Variants in TENM3 observed in about 807,000 individuals in gnomAD.
TENM3 encodes teneurin transmembrane protein 3.
In TENM3, 63 loss-of-function variants were observed where a neutral mutation model predicts 255.1. That is an observed-to-expected ratio of 0.25 (90% CI 0.20 to 0.30). The LOEUF is 0.30. TENM3 is among the 10% of genes least tolerant of loss of function. The probability of loss-of-function intolerance (pLI) is 1.00; values close to 1 mark genes in which losing one functional copy is unlikely to be tolerated. For missense variants in TENM3, 2,929 were observed against 3,461.1 expected, an observed-to-expected ratio of 0.85 and a Z score of 3.86; for synonymous variants, 1,306 against 1,322.3, an observed-to-expected ratio of 0.99 and a Z score of 0.27.
intron 1 of TENM3, among the ~76,000 whole-genome samples, chr4:182,277,969 G>T (rs1760118150): frequency 6.6e-6 from 1 of 152,184 alleles, no homozygotes; most frequent in South Asian, 2.1e-4. Context: ...CCTCAACCCT[G>T]TTACAGGAAT....
chr4:181,882,578 C>G, the TENM3 span, among the ~76,000 whole-genome samples: 5 of 152,188 alleles, frequency 3.3e-5, no homozygotes, highest in African/African-American at 1.2e-4. Flanking sequence ...GTTTTTAACC[C>G]TGACTTTGAC....
intron 6 of TENM3, among the ~76,000 whole-genome samples, chr4:182,661,691 G>C (rs1212760549): frequency 6.6e-6 from 1 of 152,162 alleles, no homozygotes; most frequent in African/African-American, 2.4e-5. Context: ...CAAAGCCAGG[G>C]TATGAATCCA....
intron 3 of TENM3, among the ~76,000 whole-genome samples, chr4:182,457,997 C>T (rs1027406055): frequency 3.9e-5 from 6 of 152,218 alleles, no homozygotes; most frequent in Non-Finnish European, 7.3e-5. Context: ...CAGTCTATAA[C>T]TTTTCATAAA....
At chr4:182,508,023 T>A (rs999481526) in intron 3 of TENM3, among the ~76,000 whole-genome samples, 7 of 152,210 alleles carry the variant, frequency 4.6e-5, no homozygotes, top group Non-Finnish European at 1.0e-4. Flanking sequence ...TCAGGTTTCC[T>A]GGGATGGAAT....
At chr4:181,922,441 C>G in the TENM3 span, among the ~76,000 whole-genome samples, 15 of 152,122 alleles carry the variant, frequency 9.9e-5, no homozygotes, top group African/African-American at 3.6e-4. Flanking sequence ...AGAAATTCAA[C>G]TTCTTCCTGG....
At chr4:182,662,349 A>G (rs964793614) in intron 6 of TENM3, among the ~76,000 whole-genome samples, 2 of 152,210 alleles carry the variant, frequency 1.3e-5, no homozygotes, top group African/African-American at 4.8e-5. Context: ...ATTCAGGCAC[A>G]ACAGGACACG....
chr4:181,919,178 T>G, the TENM3 span, among the ~76,000 whole-genome samples: 1 of 152,178 alleles, frequency 6.6e-6, no homozygotes, highest in African/African-American at 2.4e-5. Flanking sequence ...AAATTCCTTG[T>G]AAACTTAATT....
the TENM3 span, among the ~76,000 whole-genome samples, chr4:181,679,533 A>G: frequency 6.6e-6 from 1 of 152,148 alleles, no homozygotes; most frequent in Non-Finnish European, 1.5e-5. Context: ...GTTGTATAGC[A>G]CTGGAAATAT....
intron 1 of TENM3, among the ~76,000 whole-genome samples, chr4:182,168,211 A>G (rs1231120015): frequency 7.9e-5 from 12 of 151,622 alleles, no homozygotes; most frequent in South Asian, 6.2e-4. Flanking sequence ...CACGGGTCAC[A>G]GCAGCTTCCA....
chr4:182,015,988 A>G, the TENM3 span, among the ~76,000 whole-genome samples: 2 of 152,210 alleles, frequency 1.3e-5, no homozygotes, highest in African/African-American at 2.4e-5. Flanking sequence ...GCTTGTATCA[A>G]TGAAGTTTCA....
At chr4:181,723,664 G>T in the TENM3 span, among the ~76,000 whole-genome samples, 2 of 151,716 alleles carry the variant, frequency 1.3e-5, no homozygotes, top group African/African-American at 2.4e-5. Flanking sequence ...CTGAAGTATT[G>T]TTGAAATTTG....
intron 3 of TENM3, among the ~76,000 whole-genome samples, chr4:182,424,001 A>G (rs868703414): frequency 1.3e-5 from 2 of 152,338 alleles, no homozygotes; most frequent in Middle Eastern, 6.8e-3. Context: ...CAGGATTAAC[A>G]GTGACCCACA....
chr4:181,655,959 A>T, the TENM3 span, among the ~76,000 whole-genome samples: 1 of 152,186 alleles, frequency 6.6e-6, no homozygotes, highest in African/African-American at 2.4e-5. Context: ...CCCTACTGTA[A>T]CAGACATGAG....
the TENM3 span, among the ~76,000 whole-genome samples, chr4:181,576,251 G>A: frequency 5.3e-5 from 8 of 152,208 alleles, no homozygotes; most frequent in South Asian, 2.1e-4. Context: ...CTCCAGTTCC[G>A]TCCATGTTGC....
At chr4:181,552,339 A>T in the TENM3 span, among the ~76,000 whole-genome samples, 2 of 152,312 alleles carry the variant, frequency 1.3e-5, no homozygotes, top group South Asian at 4.1e-4. Flanking sequence ...AAAATATATG[A>T]TGGCATATCG....
At chr4:182,465,612 G>A (rs1166599188) in intron 3 of TENM3, among the ~76,000 whole-genome samples, 1 of 151,888 alleles carries the variant, frequency 6.6e-6, no homozygotes, top group Non-Finnish European at 1.5e-5. Flanking sequence ...AAAGTCTTAG[G>A]GAATTAGAAT....
chr4:182,024,823 C>G, the TENM3 span, among the ~76,000 whole-genome samples: 1 of 152,064 alleles, frequency 6.6e-6, no homozygotes, highest in South Asian at 2.1e-4. Context: ...CCCACCTCCC[C>G]CTGACCCAGC....
At chr4:181,848,735 A>C in the TENM3 span, among the ~76,000 whole-genome samples, 1 of 152,198 alleles carries the variant, frequency 6.6e-6, no homozygotes, top group Non-Finnish European at 1.5e-5. Flanking sequence ...TTAAGGACAA[A>C]AATAAATTGA....
the TENM3 span, among the ~76,000 whole-genome samples, chr4:182,054,083 C>A: frequency 6.6e-6 from 1 of 152,116 alleles, no homozygotes; most frequent in Non-Finnish European, 1.5e-5. Flanking sequence ...AGCATTCCTG[C>A]CCTCATTTAC....
Sources: allele counts gnomAD v4.1 joint callset (sites outside exome capture counted in the v4.1 genomes callset), GRCh38; gene constraint gnomAD v4.1.1; transcripts MANE v1.5; gene names NCBI Gene and HGNC (gene_info 2026-07-23, HGNC 2026-07-21).